The following SOX5 variants were observed in gnomAD, a reference collection of about 807,000 sequenced individuals.
SOX5 encodes the protein SRY-box transcription factor 5.
SOX5 carries 9 observed loss-of-function variants against 92.0 expected under a neutral mutation model. The observed-to-expected ratio is 0.10, with a 90% confidence interval of 0.06 to 0.17. SOX5 has a LOEUF of 0.17. Among genes scored for constraint, SOX5 ranks in the 10% least tolerant of loss-of-function variants. The pLI is 1.00. For synonymous variants in SOX5, 344 were observed against 336.3 expected (o/e 1.02, Z -0.25); for missense variants, 642 against 944.5 (o/e 0.68, Z 4.20).
chr12:23,775,161 C>T (rs984952000), intron 3 of SOX5, among the ~76,000 whole-genome samples: 4 of 152,082 alleles, frequency 2.6e-5, no homozygotes, highest in Non-Finnish European at 5.9e-5. Flanking sequence ...TATTTTGGAG[C>T]TATATTAGGC....
chr12:24,421,381 A>C (rs965705752), intron 1 of SOX5, among the ~76,000 whole-genome samples: 2 of 152,232 alleles, frequency 1.3e-5, no homozygotes, highest in Admixed American at 1.3e-4. Context: ...ACACGCTTGT[A>C]TGTCACTAAT....
chr12:23,840,388 T>G (rs1172632801), intron 3 of SOX5, among the ~76,000 whole-genome samples: 2 of 152,104 alleles, frequency 1.3e-5, no homozygotes, highest in Non-Finnish European at 2.9e-5. Context: ...AACTTGGTAT[T>G]TTTAAGGTGT....
At chr12:23,602,699 A>G (rs539258228) in intron 9 of SOX5, among the ~76,000 whole-genome samples, 1 of 152,028 alleles carries the variant, frequency 6.6e-6, no homozygotes, top group Non-Finnish European at 1.5e-5. Flanking sequence ...ACAGACACAC[A>G]TTGTCTGTGT....
At chr12:23,680,955 A>C (rs1249698592) in intron 6 of SOX5, among the ~76,000 whole-genome samples, 1 of 152,164 alleles carries the variant, frequency 6.6e-6, no homozygotes, top group African/African-American at 2.4e-5. Context: ...AGAAATTTCT[A>C]AAGGATGTGT....
At chr12:24,260,202 G>T (rs1941882105) in intron 3 of SOX5, among the ~76,000 whole-genome samples, 1 of 152,178 alleles carries the variant, frequency 6.6e-6, no homozygotes, top group Non-Finnish European at 1.5e-5. Context: ...AGAAGAGCAT[G>T]ATGAAGCATC....
chr12:24,151,140 C>G (rs1355983853), intron 4 of SOX5, among the ~76,000 whole-genome samples: 1 of 151,918 alleles, frequency 6.6e-6, no homozygotes, highest in Non-Finnish European at 1.5e-5. Context: ...AGATGAAGGA[C>G]TAAAGGGTGG....
At chr12:23,666,185 C>G (rs1172438697) in intron 6 of SOX5, among the ~76,000 whole-genome samples, 1 of 151,252 alleles carries the variant, frequency 6.6e-6, no homozygotes, top group Non-Finnish European at 1.5e-5. Flanking sequence ...TTAGTTAGAA[C>G]TGGGTCTAGA....
At chr12:23,582,350 G>A in intron 9 of SOX5, 4 of 897,940 alleles carry the variant, frequency 4.5e-6, no homozygotes, top group Non-Finnish European at 5.3e-6. Context: ...TGTACCTGCT[G>A]AGCAGAACTT....
chr12:24,074,936 G>C (rs1592916610), intron 4 of SOX5, among the ~76,000 whole-genome samples: 1 of 149,920 alleles, frequency 6.7e-6, no homozygotes, highest in East Asian at 2.0e-4. Flanking sequence ...AACCTAAATT[G>C]ATTAGCTTCC....
chr12:23,818,514 A>G (rs1027598549), intron 3 of SOX5, among the ~76,000 whole-genome samples: 2 of 152,184 alleles, frequency 1.3e-5, no homozygotes, highest in African/African-American at 4.8e-5. Context: ...GTGAATGTGA[A>G]GGGCTAGGAC....
chr12:24,437,913 C>T (rs1272925056), intron 1 of SOX5, among the ~76,000 whole-genome samples: 1 of 152,140 alleles, frequency 6.6e-6, no homozygotes, highest in East Asian at 1.9e-4. Flanking sequence ...ACCATTTGAC[C>T]CAGCAATCCC....
chr12:24,343,922 A>G (rs943289904), intron 2 of SOX5, among the ~76,000 whole-genome samples: 43 of 152,286 alleles, frequency 2.8e-4, no homozygotes, highest in African/African-American at 9.9e-4. Context: ...TCTTAGTACT[A>G]CTTTATAACT....
chr12:23,981,967 A>T (rs1371552960), intron 4 of SOX5, among the ~76,000 whole-genome samples: 1 of 152,168 alleles, frequency 6.6e-6, no homozygotes, highest in East Asian at 1.9e-4. Flanking sequence ...ATATTTAATA[A>T]TTTAAAGGCT....
Position 23,529,669 on chromosome 12 carries a change from A to T in SOX5, c.*4550T>A, listed in dbSNP as rs1938558754. ...GCACATAAACTCCTGTTTTATTTTT[A>T]TTGTGGCATGAATGATAACATAAAA... is the stretch of plus-strand genomic sequence containing the variant. On this transcript the variant is annotated 3_prime_UTR_variant, in exon 15 of 15. Coordinates refer to ENST00000451604, the MANE Select transcript of SOX5 (RefSeq NM_006940.6). 1 of 152,168 alleles carries T rather than the reference A, an allele frequency of 6.6e-6. No homozygotes were observed. Among genetic ancestry groups the T allele is most frequent in the Non-Finnish European group, 1.5e-5 (1 of 68,008 alleles). 9.4% of individuals were successfully genotyped at this position (152,168 alleles called of 1,614,324 possible). A position where few individuals can be genotyped will look rare whatever the true frequency, so the allele number is the denominator to read the frequency against.
chr12:23,973,532 C>A (rs1450998319), intron 4 of SOX5, among the ~76,000 whole-genome samples: 4 of 152,084 alleles, frequency 2.6e-5, no homozygotes, highest in Non-Finnish European at 5.9e-5. Context: ...TACTATACAG[C>A]CTTTACAAAG....
At chr12:23,713,067 G>A (rs79998883) in intron 6 of SOX5, among the ~76,000 whole-genome samples, 9,862 of 152,190 alleles carry the variant, frequency 0.065, 390 homozygotes, top group South Asian at 0.15. Flanking sequence ...TCTTGGATTT[G>A]GATTGGGCCC....
chr12:23,670,882 G>T (rs144733781), intron 6 of SOX5, among the ~76,000 whole-genome samples: 189 of 152,238 alleles, frequency 1.2e-3, no homozygotes, highest in Non-Finnish European at 2.0e-3. Flanking sequence ...AATATTATCA[G>T]ATCTCCCTTT....
chr12:24,399,103 T>C (rs1468791668), intron 1 of SOX5, among the ~76,000 whole-genome samples: 1 of 151,940 alleles, frequency 6.6e-6, no homozygotes, highest in Non-Finnish European at 1.5e-5. Flanking sequence ...CCCCAAAACA[T>C]GACACTAAAG....
At chr12:24,089,631 C>T (rs143204178) in intron 4 of SOX5, among the ~76,000 whole-genome samples, 1 of 151,992 alleles carries the variant, frequency 6.6e-6, no homozygotes, top group East Asian at 1.9e-4. Context: ...ACAGAAGTAC[C>T]CTCTAGGTGA....
Sources: gnomAD v4.1 joint callset for allele counts (sites outside exome capture counted in the v4.1 genomes callset) on GRCh38, gnomAD v4.1.1 for gene constraint, MANE v1.5 for transcripts, NCBI Gene and HGNC (gene_info 2026-07-23, HGNC 2026-07-21) for gene names.